The following ACAN variants were observed in gnomAD, a reference collection of about 807,000 sequenced individuals.
ACAN encodes aggrecan core protein.
Under a neutral mutation model 169.1 loss-of-function variants are expected in ACAN, and 47 were observed. That is an observed-to-expected ratio of 0.28 (90% CI 0.22 to 0.35). ACAN has a LOEUF of 0.35. Among genes scored for constraint, ACAN ranks in the 10% least tolerant of loss-of-function variants. The pLI is 1.00. For synonymous variants in ACAN, 1,115 were observed against 1,112.2 expected, an observed-to-expected ratio of 1.00 and a Z score of -0.05; for missense variants, 2,716 against 2,759.9, an observed-to-expected ratio of 0.98 and a Z score of 0.36.
chr15:88,823,288 C>T (rs117923974), intron 1 of ACAN, among the ~76,000 whole-genome samples: 2,775 of 152,304 alleles, frequency 0.018, 68 homozygotes, highest in Non-Finnish European at 0.018. Context: ...TTTCCAAAAA[C>T]TCAGGTCTGA....
At chr15:88,822,105 T>G (rs1896091590) in intron 1 of ACAN, among the ~76,000 whole-genome samples, 1 of 152,234 alleles carries the variant, frequency 6.6e-6, no homozygotes, top group Admixed American at 6.5e-5. Flanking sequence ...TGTGGTCATA[T>G]AGACATGGCT....
chr15:88,848,593 T>C (rs1215732131), intron 9 of ACAN, among the ~76,000 whole-genome samples: 4 of 152,186 alleles, frequency 2.6e-5, no homozygotes, highest in African/African-American at 9.7e-5. Context: ...AAGAAAAACT[T>C]CCTTAACTCT....
At position 88,873,996 on chromosome 15, in the gene ACAN, G is replaced by A; in HGVS notation, c.7602G>A (p.Trp2534Ter). 1 of 1,612,384 alleles carries A rather than the reference G, an allele frequency of 6.2e-7. No homozygotes were observed. Among genetic ancestry groups the A allele is most frequent in the Non-Finnish European group, 8.5e-7 (1 of 1,179,800 alleles). ...TCCGGTGCCAGCCCAGCGGGCACTG[G>A]GAGGAGCCTCAGATCACCTGCACAG... ...PTIRCQPSGHWEEPQITCTDP... is the reference protein window; with the variant it reads ...PTIRCQPSGH The change falls in exon 18 of 19, where the codon TGG (tryptophan) becomes TGA (stop). Residue 2534 changes from tryptophan to a stop codon, truncating the protein, a stop_gained. Transcript: ENST00000560601. LOFTEE classifies it high-confidence loss of function. The surrounding 1 kb of genome is among the most constrained non-coding windows in gnomAD (Gnocchi z 7.5).
intron 9 of ACAN, 103 bp downstream of exon 9, chr15:88,848,141 C>T: frequency 1.2e-5 from 17 of 1,475,026 alleles, no homozygotes; most frequent in Non-Finnish European, 1.6e-5. Flanking sequence ...CCCACCCACC[C>T]CTGATTCCAC....
chr15:88,821,506 A>T (rs1896075095), intron 1 of ACAN, among the ~76,000 whole-genome samples: 1 of 152,222 alleles, frequency 6.6e-6, no homozygotes, highest in African/African-American at 2.4e-5. Flanking sequence ...GTAGATTCAC[A>T]GCTGGTCCAT....
At chr15:88,854,653 A>ACTTC (rs1053447261) in intron 11 of ACAN, among the ~76,000 whole-genome samples, 199 bp from the exon 12 acceptor site, 6 of 151,148 alleles carry the variant, frequency 4.0e-5, no homozygotes, top group African/African-American at 1.5e-4. Context: ...TTCTCCCTAT[A>ACTTC]CTTCCTTCCT....
rs1896886389 is a variant in ACAN at position 88,849,657 on chromosome 15, G to A, written c.1952G>A (p.Arg651Lys). 5.6e-6 allele frequency: 9 copies of A among 1,613,544 alleles called. No homozygotes were observed. The highest frequency in any genetic ancestry group is 2.7e-5 in the African/African-American group (2 of 74,908). Residue 651 changes from arginine to lysine, a missense_variant, in exon 10 of 19, where the codon AGA becomes AAA. Around this residue, in one of 3 missense-constraint regions of ACAN, gnomAD observed 1,283 missense variants for 1,281.5 expected, o/e 1.00. Coordinates refer to ENST00000560601, the MANE Select transcript of ACAN (RefSeq NM_001369268.1). The surrounding 1 kb of genome is among the most constrained non-coding windows in gnomAD (Gnocchi z 5.1). Reference sequence around the variant, plus strand: ...TGCGGTGGGGACAAGCCAGGCGTGAGAACGGTCTACCTCTACCCTAACCAG... The same window carrying A: ...TGCGGTGGGGACAAGCCAGGCGTGAAAACGGTCTACCTCTACCCTAACCAG... ...PACGGDKPGV[R>K]TVYLYPNQTG...
chr15:88,860,201 A>G (rs972072275), intron 12 of ACAN, 125 bp from the exon 13 acceptor site: 15 of 603,728 alleles, frequency 2.5e-5, no homozygotes, highest in Non-Finnish European at 3.7e-5. Flanking sequence ...GGCCTCAGAA[A>G]AGTGCTGACC....
At chr15:88,816,527 T>C (rs560705791) in intron 1 of ACAN, among the ~76,000 whole-genome samples, 1 of 152,318 alleles carries the variant, frequency 6.6e-6, no homozygotes, top group African/African-American at 2.4e-5. Context: ...AGCAGAAAGC[T>C]CTGTGAAATA....
chr15:88,820,970 CCTT>C (rs1453073339), intron 1 of ACAN, among the ~76,000 whole-genome samples: 3 of 152,148 alleles, frequency 2.0e-5, no homozygotes, highest in Non-Finnish European at 2.9e-5. Flanking sequence ...GCAAACACAT[CCTT>C]CTTCACATGA....
rs116254449 is a variant in ACAN at position 88,859,495 on chromosome 15, A to G, written c.6832+78A>G. On this transcript the variant is annotated intron_variant, in intron 12 of 18. Coordinates refer to ENST00000560601, the MANE Select transcript of ACAN (RefSeq NM_001369268.1). ...CTACTGCAGCACAGAAGGAGGCAGCATAGCTTTAAGGTTCCAAGAACAACT... is the reference window on the plus strand; with the variant it reads ...CTACTGCAGCACAGAAGGAGGCAGCGTAGCTTTAAGGTTCCAAGAACAACT... The G allele has an allele frequency of 1.2e-3, 1,895 of 1,543,710 alleles. 22 individuals carry two copies. The African/African-American group carries it at 0.023, about 19-fold the overall frequency.
rs375008777 is a variant in ACAN at position 88,858,650 on chromosome 15, T to C, written c.6065T>C (p.Met2022Thr). Residue 2022 changes from methionine to threonine, a missense_variant, in exon 12 of 19, where the codon ATG becomes ACG. By Grantham distance (81) the Met-to-Thr change is moderately conservative (BLOSUM62 -1). Transcript: ENST00000560601. This position sits in a 1 kb window ranked among gnomAD's most constrained non-coding sequence, Gnocchi z 4.0. The part of the protein sequence containing the change: ...TNVSGESSVA[M>T]GTSGEASGLP... ...GTAAGTGGAGAATCCTCTGTAGCCA[T>C]GGGCACCAGTGGAGAGGCCTCAGGA... 11 of 1,613,866 alleles carry C rather than the reference T, an allele frequency of 6.8e-6. No homozygotes were observed. Among genetic ancestry groups the C allele is most frequent in the African/African-American group, 4.0e-5 (3 of 74,938 alleles).
At position 88,851,965 on chromosome 15, in the gene ACAN, C is replaced by T. The variant is rs1199841846; in HGVS notation, c.2198C>T (p.Thr733Ile). 1 of 1,612,328 alleles carries T rather than the reference C, an allele frequency of 6.2e-7. No individual in the cohort carries two copies. Among genetic ancestry groups the T allele is most frequent in the Non-Finnish European group, 8.5e-7 (1 of 1,179,254 alleles). ...SGETTAILEF[T>I]TEPENQTEWE... ...GAGACTACTGCCATCCTAGAGTTCACCACCGAGCCAGAAAACCAGACAGAA... is the reference window on the plus strand; with the variant it reads ...GAGACTACTGCCATCCTAGAGTTCATCACCGAGCCAGAAAACCAGACAGAA... The change falls in exon 11 of 19, where the codon ACC (threonine) becomes ATC (isoleucine). Residue 733 changes from threonine to isoleucine, a missense_variant. Physicochemically the swap from Thr to Ile is moderately conservative, Grantham distance 89 (BLOSUM62 -1). Around this residue, in one of 3 missense-constraint regions of ACAN, gnomAD observed 1,283 missense variants for 1,281.5 expected, o/e 1.00. Transcript: ENST00000560601. The surrounding 1 kb of genome is among the most constrained non-coding windows in gnomAD (Gnocchi z 4.3).
chr15:88,817,704 A>G lies in ACAN; in HGVS notation c.-8+13895A>G, dbSNP rs564297732. Among the ~76,000 whole-genome samples, 74 of 152,116 alleles carry G rather than the reference A, an allele frequency of 4.9e-4. No individual in the cohort carries two copies. In the South Asian group the frequency reaches 0.015, roughly 30 times the overall value. ...CCCTGTCTCTACAAAAAATACAAAA[A>G]TTAGCCAGGCATAGTGGTGCATGCC... On this transcript the variant is annotated intron_variant, in intron 1 of 18. Coordinates refer to ENST00000560601, the MANE Select transcript of ACAN (RefSeq NM_001369268.1).
intron 1 of ACAN, among the ~76,000 whole-genome samples, chr15:88,805,791 A>T (rs1207480702): frequency 1.3e-5 from 2 of 152,226 alleles, no homozygotes; most frequent in African/African-American, 4.8e-5. Context: ...TGACAATCAT[A>T]CTTAAAAGGG....
At chr15:88,816,902 G>A (rs1392180894) in intron 1 of ACAN, among the ~76,000 whole-genome samples, 6 of 152,162 alleles carry the variant, frequency 3.9e-5, no homozygotes, top group Non-Finnish European at 7.3e-5. Flanking sequence ...CCCCAAATCT[G>A]TTGAACACAG....
At chr15:88,859,478 G>A (rs953776796) in intron 12 of ACAN, 61 bp downstream of exon 12, 3 of 1,548,940 alleles carry the variant, frequency 1.9e-6, no homozygotes, top group South Asian at 1.2e-5. Context: ...GCCTACTGCA[G>A]CACAGAAGGA....
In ACAN at chr15:88,817,464, G is replaced by A. The variant is rs535143972; in HGVS notation, c.-8+13655G>A. ...GCCAAATGTAGATTTTTTTTTAAAG[G>A]ATATAAAATTCACTTTATTTTTAGA... On this transcript the variant is annotated intron_variant, in intron 1 of 18. Coordinates refer to ENST00000560601, the MANE Select transcript of ACAN (RefSeq NM_001369268.1). Among the ~76,000 whole-genome samples the A allele has an allele frequency of 3.3e-5, 5 of 151,646 alleles. No individual in the cohort carries two copies. In the South Asian group the frequency reaches 1.0e-3, roughly 32 times the overall value.
Position 88,838,568 on chromosome 15 carries a change from C to T in ACAN, c.71-95C>T. 7.0e-7 allele frequency: 1 copy of T among 1,422,732 alleles called. No individual in the cohort carries two copies. Among genetic ancestry groups the T allele is most frequent in the Non-Finnish European group, 9.5e-7 (1 of 1,047,256 alleles). The allele number at this position is 1,422,732 out of a possible 1,614,324, so 88.1% of individuals were successfully genotyped here. Reference sequence around the variant, plus strand: ...ACACACTCATCGGATTTCGCTCTCTCAGGAGAGTGCATTGCTGGAAGGATG... The same window carrying T: ...ACACACTCATCGGATTTCGCTCTCTTAGGAGAGTGCATTGCTGGAAGGATG... On this transcript the variant is annotated intron_variant, in intron 2 of 18. Transcript: ENST00000560601. This position sits in a 1 kb window ranked among gnomAD's most constrained non-coding sequence, Gnocchi z 5.1.
Sources: gnomAD v4.1 joint callset for allele counts (sites outside exome capture counted in the v4.1 genomes callset) on GRCh38, gnomAD v4.1.1 for gene constraint, gnomAD v4.1.1 regional missense constraint, Gnocchi (gnomAD v3.1) non-coding constraint, MANE v1.5 for transcripts, NCBI Gene and HGNC (gene_info 2026-07-23, HGNC 2026-07-21) for gene names.